Variants in CES2 observed in about 807,000 individuals in gnomAD.
The protein encoded by CES2 is carboxylesterase 2.
In CES2, 42 loss-of-function variants were observed where a neutral mutation model predicts 52.1. The observed-to-expected ratio is 0.81, with a 90% CI of 0.63 to 1.04. CES2 has a LOEUF of 1.04. CES2 is among the 50% of genes least tolerant of loss of function. The pLI, the probability that CES2 is intolerant of heterozygous loss-of-function variation, is 0.00. For synonymous variants in CES2, 277 were observed against 289.6 expected, an observed-to-expected ratio of 0.96 and a Z score of 0.44; for missense variants, 656 against 724.3, an observed-to-expected ratio of 0.91 and a Z score of 1.08.
At chr16:66,941,371 G>A in intron 6 of CES2, 135 bp from the exon 7 acceptor site, 1 of 1,516,354 alleles carries the variant, frequency 6.6e-7, no homozygotes, top group Non-Finnish European at 8.9e-7. Context: ...GTCGGTGCAT[G>A]CTGAGCCAAA....
chr16:66,935,732 C>T lies in CES2; in HGVS notation c.76+21C>T, dbSNP rs375480722. ...CCAGGGTGAGGCTCCCTCGGAGGGG[C>T]GACAGGGACCGGGCTCAGATCTGCC... On this transcript the variant is annotated intron_variant, in intron 1 of 11. Coordinates refer to ENST00000317091, the MANE Select transcript of CES2 (RefSeq NM_001365405.1). 17 of 1,598,850 alleles carry T rather than the reference C, an allele frequency of 1.1e-5. No individual in the cohort carries two copies. The African/African-American group carries it at 1.1e-4, about 10-fold the overall frequency.
rs769814646 is a variant in CES2, at chr16:66,938,288, G to A, written c.281+47G>A. On this transcript the variant is annotated intron_variant, in intron 2 of 11. Transcript: ENST00000317091. ...GGGAACTCCAGGCCCTGGGGCAGGG[G>A]TGGGGGTGCTCTGAGCTCAGCTAGG... The A allele has an allele frequency of 8.0e-6, 11 of 1,382,132 alleles. 1 individual carries two copies. Among genetic ancestry groups the A allele is most frequent in the South Asian group, 4.6e-5 (4 of 86,378 alleles). The allele number at this position is 1,382,132 out of a possible 1,614,324, so 85.6% of individuals were successfully genotyped here.
chr16:66,943,538 A>G lies in CES2; in HGVS notation c.1493+167A>G, dbSNP rs2145511261. 1 of 685,872 alleles carries G rather than the reference A, an allele frequency of 1.5e-6. No homozygotes were observed. Among genetic ancestry groups the G allele is most frequent in the Non-Finnish European group, 2.5e-6 (1 of 400,752 alleles). 42.5% of individuals were successfully genotyped at this position (685,872 alleles called of 1,614,324 possible). ...CAGACAGGGTGGGGGTGCGTGGGGCAGTGGACACGCTCTATCTCTCCAGTC... is the reference window on the plus strand; with the variant it reads ...CAGACAGGGTGGGGGTGCGTGGGGCGGTGGACACGCTCTATCTCTCCAGTC... On this transcript the variant is annotated intron_variant, in intron 11 of 11. Coordinates refer to ENST00000317091, the MANE Select transcript of CES2 (RefSeq NM_001365405.1). This position sits in a 1 kb window ranked among gnomAD's most constrained non-coding sequence, Gnocchi z 4.2.
chr16:66,941,227 G>C lies in CES2; in HGVS notation c.915+5G>C, dbSNP rs745682857. The C allele has an allele frequency of 1.9e-6, 3 of 1,613,996 alleles. No individual in the cohort carries two copies. The South Asian group carries it at 3.3e-5, about 18-fold the overall frequency. On this transcript the variant is annotated splice_donor_5th_base_variant and intron_variant, in intron 6 of 11. Coordinates refer to ENST00000317091, the MANE Select transcript of CES2 (RefSeq NM_001365405.1). The stretch of plus-strand genomic sequence containing the variant: ...GAGATTCTTGCAATTAACAAGGTTG[G>C]TCTAAATGGATGTGGGTGTAGAGGA...
upstream of CES2, chr16:66,935,278 A>C: frequency 5.8e-6 from 4 of 695,220 alleles, no homozygotes; most frequent in Non-Finnish European, 9.6e-6. Context: ...TCGATCCCCC[A>C]GCGCGCTCAT....
At chr16:66,942,327 C>T in intron 9 of CES2, 78 bp downstream of exon 9, 1 of 1,463,456 alleles carries the variant, frequency 6.8e-7, no homozygotes, top group East Asian at 2.3e-5. Flanking sequence ...CTGCTGCTGT[C>T]CGGGTCAGCA....
Position 66,943,461 on chromosome 16 carries a change from C to T in CES2, c.1493+90C>T. 7.4e-7 allele frequency: 1 copy of T among 1,344,136 alleles called. No individual in the cohort carries two copies. Among genetic ancestry groups the T allele is most frequent in the Non-Finnish European group, 1.1e-6 (1 of 945,420 alleles). 83.3% of individuals were successfully genotyped at this position (1,344,136 alleles called of 1,614,324 possible). On this transcript the variant is annotated intron_variant, in intron 11 of 11. Transcript: ENST00000317091. The surrounding 1 kb of genome is among the most constrained non-coding windows in gnomAD (Gnocchi z 4.2). ...CTAGTCTGGGGTGACCTCATGAGCACACCCGCATCCTTCATCACATGATGG... is the reference window on the plus strand; with the variant it reads ...CTAGTCTGGGGTGACCTCATGAGCATACCCGCATCCTTCATCACATGATGG...
Position 66,944,914 on chromosome 16 carries a change from G to GC in CES2, c.*894dup, listed in dbSNP as rs1403024120. 1.3e-5 allele frequency: 2 copies of GC among 152,246 alleles called. No individual in the cohort carries two copies. Among genetic ancestry groups the GC allele is most frequent in the Non-Finnish European group, 2.9e-5 (2 of 68,094 alleles). 9.4% of individuals were successfully genotyped at this position (152,246 alleles called of 1,614,324 possible). ...TCCCCAACACCCCACTGAGCCCTGG[G>GC]CCCCCTCCTCCCTTCCTCACCTCCA... is the stretch of plus-strand genomic sequence containing the variant. On this transcript the variant is annotated 3_prime_UTR_variant, in exon 12 of 12. Transcript: ENST00000317091.
chr16:66,938,937 G>A (rs1231763767), intron 2 of CES2, among the ~76,000 whole-genome samples: 2 of 152,160 alleles, frequency 1.3e-5, no homozygotes, highest in African/African-American at 4.8e-5. Flanking sequence ...TGCAGCCAAT[G>A]GTTCTCATAG....
Position 66,943,820 on chromosome 16 carries a change from T to C in CES2, c.1494-19T>C. 6.4e-7 allele frequency: 1 copy of C among 1,573,972 alleles called. No individual in the cohort carries two copies. The highest frequency in any genetic ancestry group is 8.7e-7 in the Non-Finnish European group (1 of 1,152,826). On this transcript the variant is annotated intron_variant, in intron 11 of 11. Transcript: ENST00000317091. The surrounding 1 kb of genome is among the most constrained non-coding windows in gnomAD (Gnocchi z 4.2). ...CAGAGTGACCCTCATACTGCCCTGC[T>C]GGGATGGCATGTCTACAGGAACCCC...
intron 1 of CES2, among the ~76,000 whole-genome samples, chr16:66,937,690 C>A (rs1177162354): frequency 6.6e-6 from 1 of 152,188 alleles, no homozygotes; most frequent in Non-Finnish European, 1.5e-5. Flanking sequence ...TCCCTGAGGA[C>A]AAGAAACTTG....
Position 66,935,645 on chromosome 16 carries a change from C to T in CES2, c.10C>T (p.His4Tyr). Residue 4 changes from histidine (H) to tyrosine (Y), a missense_variant, in exon 1 of 12, where the codon CAC becomes TAC. His to Tyr is a moderately conservative substitution (Grantham distance 83). Coordinates refer to ENST00000317091, the MANE Select transcript of CES2 (RefSeq NM_001365405.1). ...GACCAGCGAGCCGACCATGCGGCTG[C>T]ACAGACTTCGTGCGCGGCTGAGCGC... MRLHRLRARLSAVA... is the reference protein window; with the variant it reads MRLYRLRARLSAVA... 1 of 1,605,784 alleles carries T rather than the reference C, an allele frequency of 6.2e-7. No homozygotes were observed. The highest frequency in any genetic ancestry group is 8.5e-7 in the Non-Finnish European group (1 of 1,179,896).
chr16:66,937,930 G>A (rs969479769), intron 1 of CES2, 107 bp from the exon 2 acceptor site: 25 of 868,552 alleles, frequency 2.9e-5, no homozygotes, highest in Non-Finnish European at 4.7e-5. Context: ...TTACAGATCA[G>A]AGTCCCTTGA....
intron 2 of CES2, among the ~76,000 whole-genome samples, chr16:66,938,774 A>G (rs1963277867): frequency 6.6e-6 from 1 of 152,150 alleles, no homozygotes; most frequent in South Asian, 2.1e-4. Context: ...AGGAATGATG[A>G]GTTTTTGAGA....
chr16:66,942,461 G>C (rs767424180), intron 9 of CES2, 187 bp from the exon 10 acceptor site: 50 of 801,850 alleles, frequency 6.2e-5, no homozygotes, highest in Non-Finnish European at 8.8e-5. Context: ...GGGACCTTCA[G>C]TGACTTGCCC....
At position 66,941,752 on chromosome 16, in the gene CES2, T is replaced by C; in HGVS notation, c.1057-16T>C. 6.2e-7 allele frequency: 1 copy of C among 1,613,968 alleles called. No individual in the cohort carries two copies. Among genetic ancestry groups the C allele is most frequent in the South Asian group, 1.1e-5 (1 of 91,074 alleles). On this transcript the variant is annotated splice_polypyrimidine_tract_variant and intron_variant, in intron 7 of 11. Coordinates refer to ENST00000317091, the MANE Select transcript of CES2 (RefSeq NM_001365405.1). The stretch of plus-strand genomic sequence containing the variant: ...TCATCCCATCCCCAGCTACAGACTC[T>C]CTCCTGGCCATCCAGGTCATGAGGA...
chr16:66,942,438 C>A, intron 9 of CES2, 189 bp downstream of exon 9: 1 of 817,256 alleles, frequency 1.2e-6, no homozygotes, highest in Non-Finnish European at 1.9e-6. Context: ...CACAGACGAG[C>A]AAATTGAAGT....
At position 66,941,845 on chromosome 16, in the gene CES2, G is replaced by A. The variant is rs1266537790; in HGVS notation, c.1134G>A (p.Leu378=). The part of the protein sequence containing the change: ...SQAALQKMLT[L]LMLPPTFGDL... The stretch of plus-strand genomic sequence containing the variant: ...CTGCTCTGCAGAAAATGTTAACGCT[G>A]CTGGTAAGGCTCCTGGGGTCCCTCG... The change falls in exon 8 of 12, where the codon CTG becomes CTA. Residue 378 remains leucine, a synonymous_variant. Transcript: ENST00000317091. 1 of 1,614,122 alleles carries A rather than the reference G, an allele frequency of 6.2e-7. No individual in the cohort carries two copies. The highest frequency in any genetic ancestry group is 1.7e-5 in the Admixed American group (1 of 60,014).
chr16:66,944,351 T>G lies in CES2; in HGVS notation c.*326T>G. 2 of 194,892 alleles carry G rather than the reference T, an allele frequency of 1.0e-5. No homozygotes were observed. The highest frequency in any genetic ancestry group is 9.9e-6 in the Non-Finnish European group (1 of 100,746). 12.1% of individuals were successfully genotyped at this position (194,892 alleles called of 1,614,324 possible). On this transcript the variant is annotated 3_prime_UTR_variant, in exon 12 of 12. Transcript: ENST00000317091. ...AGAGAGTGTGTGATTAGAAGCTAAA[T>G]AGGAAAGTTTTGAGCTTCAAGTCAG...
Sources: gnomAD v4.1 joint callset for allele counts (sites outside exome capture counted in the v4.1 genomes callset) on GRCh38, gnomAD v4.1.1 for gene constraint, Gnocchi (gnomAD v3.1) non-coding constraint, MANE v1.5 for transcripts, NCBI Gene and HGNC (gene_info 2026-07-23, HGNC 2026-07-21) for gene names.